SLC6A9: variants seen among roughly 807,000 people sequenced by gnomAD.
SLC6A9 encodes the protein sodium- and chloride-dependent glycine transporter 1.
SLC6A9 carries 31 observed loss-of-function variants against 70.9 expected under a neutral mutation model. The ratio of observed to expected loss-of-function variants is 0.44; its 90% CI spans 0.33 to 0.59. The LOEUF is 0.59. Among genes scored for constraint, SLC6A9 ranks in the 20% least tolerant of loss-of-function variants. The pLI, the probability that SLC6A9 is intolerant of heterozygous loss-of-function variation, is 0.04. For missense variants in SLC6A9, 631 were observed against 845.2 expected (o/e 0.75, Z 3.14); for synonymous variants, 310 against 341.3 (o/e 0.91, Z 1.01).
At position 44,002,667 on chromosome 1, in the gene SLC6A9, G is replaced by T. The variant is rs1291881290; in HGVS notation, c.724-21C>A. ...ACCACCTGGCACAAGAGGGCTCCAT[G>T]GACTCTTCTGGGCTCTCCCCTCCCC... is the stretch of plus-strand genomic sequence containing the variant. On this transcript the variant is annotated intron_variant, in intron 6 of 13. Transcript: ENST00000372310. This position sits in a 1 kb window ranked among gnomAD's most constrained non-coding sequence, Gnocchi z 5.5. The T allele has an allele frequency of 6.2e-7, 1 of 1,613,826 alleles. No homozygotes were observed. Among genetic ancestry groups the T allele is most frequent in the Admixed American group, 1.7e-5 (1 of 60,008 alleles).
At chr1:44,016,703 C>T in intron 2 of SLC6A9, 1 of 241,550 alleles carries the variant, frequency 4.1e-6, no homozygotes. Context: ...GACAATGAGG[C>T]TGTATTGATT....
chr1:44,010,923 G>A (rs2086542872), intron 2 of SLC6A9, 41 bp from the exon 3 acceptor site: 4 of 1,607,696 alleles, frequency 2.5e-6, no homozygotes, highest in Non-Finnish European at 2.6e-6. Flanking sequence ...CAAGGCATTT[G>A]TGCTCCATGC....
intron 5 of SLC6A9, among the ~76,000 whole-genome samples, chr1:44,003,748 C>CAAAAAAAAAAAAAAAAAAAAA (rs34308293): frequency 1.4e-5 from 1 of 71,962 alleles, no homozygotes. Context: ...AGTCCAATCT[C>CAAAAAAAAAAAAAAAAAAAAA]AAAAAAAAAA....
At chr1:44,022,623 G>A (rs2086903755) in intron 2 of SLC6A9, among the ~76,000 whole-genome samples, 1 of 151,912 alleles carries the variant, frequency 6.6e-6, no homozygotes, top group Admixed American at 6.6e-5. Context: ...TGGAGGTTCA[G>A]AACAGGGCCA....
chr1:44,025,775 G>C (rs914328908), intron 1 of SLC6A9, among the ~76,000 whole-genome samples: 18 of 151,976 alleles, frequency 1.2e-4, no homozygotes, highest in Admixed American at 2.6e-4. Context: ...ACTCTAGCTT[G>C]GGTGACAGAG....
At chr1:44,010,467 GGGGGT>G (rs2086517264) in intron 3 of SLC6A9, 1 of 239,158 alleles carries the variant, frequency 4.2e-6, no homozygotes, top group Non-Finnish European at 8.2e-6. Flanking sequence ...GGGGGGGGGG[GGGGGT>G]TAGGTCCTTT....
intron 12 of SLC6A9, among the ~76,000 whole-genome samples, chr1:43,998,592 C>T (rs1366115260): frequency 6.6e-6 from 1 of 152,222 alleles, no homozygotes; most frequent in African/African-American, 2.4e-5. Flanking sequence ...CGTTTTCCAC[C>T]TGCTTCCCTT....
chr1:44,023,274 G>A (rs565934669), intron 2 of SLC6A9, among the ~76,000 whole-genome samples: 2 of 152,254 alleles, frequency 1.3e-5, no homozygotes, highest in Admixed American at 1.3e-4. Flanking sequence ...TCTGGGACAG[G>A]ATTTGGCATC....
Position 44,002,228 on chromosome 1 carries a change from G to T in SLC6A9, c.962+85C>A. The T allele has an allele frequency of 1.1e-6, 1 of 924,512 alleles. No individual in the cohort carries two copies. The highest frequency in any genetic ancestry group is 1.8e-6 in the Non-Finnish European group (1 of 557,312). 57.3% of individuals were successfully genotyped at this position (924,512 alleles called of 1,614,324 possible). ...AGATCATGAGGGGAAAGGAGGCCTC[G>T]TGGGCCCATGGCTGCACTGGAGCTG... On this transcript the variant is annotated intron_variant, in intron 8 of 13. Coordinates refer to ENST00000372310, the MANE Select transcript of SLC6A9 (RefSeq NM_001024845.3). The surrounding 1 kb of genome is among the most constrained non-coding windows in gnomAD (Gnocchi z 5.5).
At chr1:44,017,576 G>T (rs2086795406) in intron 2 of SLC6A9, among the ~76,000 whole-genome samples, 1 of 152,216 alleles carries the variant, frequency 6.6e-6, no homozygotes, top group South Asian at 2.1e-4. Context: ...CCGGCAGGAG[G>T]ATGGAAGGCA....
chr1:44,010,226 G>A, intron 3 of SLC6A9, 130 bp from the exon 4 acceptor site: 1 of 949,000 alleles, frequency 1.1e-6, no homozygotes, highest in South Asian at 1.7e-5. Context: ...CCAGGCTTGA[G>A]CAGGAGCCTG....
intron 5 of SLC6A9, 88 bp from the exon 6 acceptor site, chr1:44,003,073 C>T (rs1189056789): frequency 6.6e-7 from 1 of 1,507,934 alleles, no homozygotes; most frequent in Non-Finnish European, 9.1e-7. Context: ...GGGCTGTACC[C>T]TCCTTTGTCA....
At chr1:44,001,088 T>C in intron 10 of SLC6A9, 33 bp from the exon 11 acceptor site, 1 of 1,604,294 alleles carries the variant, frequency 6.2e-7, no homozygotes, top group Non-Finnish European at 8.5e-7. Context: ...GGGAGGCGCC[T>C]GCAGCCCGGG....
At chr1:44,010,205 G>A in intron 3 of SLC6A9, 109 bp from the exon 4 acceptor site, 2 of 1,227,422 alleles carry the variant, frequency 1.6e-6, no homozygotes, top group East Asian at 2.4e-5. Flanking sequence ...TAGGACCCAG[G>A]GAGGAGTGTG....
rs575667264 is a variant in SLC6A9 at position 44,005,105 on chromosome 1, C to T, written c.591-2120G>A. Reference sequence around the variant, plus strand: ...AATTTCATGGACAAATGACTGTGAACGACCTCCCAAGGCCACAGCTAATAT... The same window carrying T: ...AATTTCATGGACAAATGACTGTGAATGACCTCCCAAGGCCACAGCTAATAT... On this transcript the variant is annotated intron_variant, in intron 5 of 13. Coordinates refer to ENST00000372310, the MANE Select transcript of SLC6A9 (RefSeq NM_001024845.3). Among the ~76,000 whole-genome samples the T allele has an allele frequency of 3.3e-5, 5 of 152,300 alleles. No individual in the cohort carries two copies. The South Asian group carries it at 1.0e-3, about 32-fold the overall frequency.
In SLC6A9 at chr1:44,018,641, A is replaced by G. The variant is rs2086824299; in HGVS notation, c.30+5607T>C. 6.7e-6 allele frequency among the ~76,000 whole-genome samples: 1 copy of G among 149,956 alleles called. No individual in the cohort carries two copies. The highest frequency in any genetic ancestry group is 1.5e-5 in the Non-Finnish European group (1 of 67,632). Reference sequence around the variant, plus strand: ...AATAATAATAATAATAATAATAAATAAAAATAAAAAGACAGGTGGGGCACA... The same window carrying G: ...AATAATAATAATAATAATAATAAATGAAAATAAAAAGACAGGTGGGGCACA... On this transcript the variant is annotated intron_variant, in intron 2 of 13. Coordinates refer to ENST00000372310, the MANE Select transcript of SLC6A9 (RefSeq NM_001024845.3). This position sits in a 1 kb window ranked among gnomAD's most constrained non-coding sequence, Gnocchi z 4.2.
chr1:44,015,713 C>T, intron 2 of SLC6A9: 1 of 363,222 alleles, frequency 2.8e-6, no homozygotes, highest in Non-Finnish European at 3.8e-6. Context: ...CCACAGGCAG[C>T]ACCTACCCTG....
intron 2 of SLC6A9, among the ~76,000 whole-genome samples, chr1:44,015,487 A>G (rs2086710286): frequency 6.6e-6 from 1 of 152,216 alleles, no homozygotes; most frequent in African/African-American, 2.4e-5. Flanking sequence ...CCCATCCAAG[A>G]CAAACTTTAT....
intron 2 of SLC6A9, among the ~76,000 whole-genome samples, chr1:44,012,810 T>C (rs1184482092): frequency 2.6e-5 from 4 of 152,194 alleles, no homozygotes; most frequent in Non-Finnish European, 4.4e-5. Flanking sequence ...TGCTTGGCCC[T>C]GGTAGAGGGT....
Sources: gnomAD v4.1 joint callset for allele counts (sites outside exome capture counted in the v4.1 genomes callset) on GRCh38, gnomAD v4.1.1 for gene constraint, Gnocchi (gnomAD v3.1) non-coding constraint, MANE v1.5 for transcripts, NCBI Gene and HGNC (gene_info 2026-07-23, HGNC 2026-07-21) for gene names.